The following MYT1L variants were observed in gnomAD, a reference collection of about 807,000 sequenced individuals.
MYT1L encodes the protein myelin transcription factor 1-like protein.
In MYT1L, 12 loss-of-function variants were observed where a neutral mutation model predicts 126.7. The ratio of observed to expected loss-of-function variants is 0.09; its 90% CI spans 0.06 to 0.15. The LOEUF is 0.15. MYT1L is among the 10% of genes least tolerant of loss of function. The pLI, the probability that MYT1L is intolerant of heterozygous loss-of-function variation, is 1.00. For missense variants in MYT1L, 979 were observed against 1,585.2 expected, an observed-to-expected ratio of 0.62 and a Z score of 6.49; for synonymous variants, 541 against 604.2, an observed-to-expected ratio of 0.90 and a Z score of 1.53.
chr2:2,025,822 A>G (rs1465512197), intron 4 of MYT1L, among the ~76,000 whole-genome samples: 11 of 152,260 alleles, frequency 7.2e-5, no homozygotes, highest in Non-Finnish European at 4.4e-5. Flanking sequence ...ACACTGAATG[A>G]ATTTTTTAAA....
chr2:1,838,569 C>CGG (rs1202407850), intron 21 of MYT1L, among the ~76,000 whole-genome samples: 1 of 152,170 alleles, frequency 6.6e-6, no homozygotes, highest in African/African-American at 2.4e-5. Flanking sequence ...GCCTTGGAGA[C>CGG]GGGTCCCATC....
intron 4 of MYT1L, among the ~76,000 whole-genome samples, chr2:2,025,756 C>T (rs1558775911): frequency 6.6e-6 from 1 of 152,242 alleles, no homozygotes; most frequent in Non-Finnish European, 1.5e-5. Flanking sequence ...CATTAGCATA[C>T]TCATTTACAT....
At chr2:1,935,110 AG>A (rs1179756523) in intron 9 of MYT1L, among the ~76,000 whole-genome samples, 1 of 152,240 alleles carries the variant, frequency 6.6e-6, no homozygotes, top group Non-Finnish European at 1.5e-5. Context: ...AGTGAGCCTC[AG>A]TATTCAGAAA....
chr2:2,053,917 T>C (rs991374729), intron 4 of MYT1L, 61 bp downstream of exon 4: 3 of 152,664 alleles, frequency 2.0e-5, no homozygotes, highest in African/African-American at 7.2e-5. Flanking sequence ...TTAAGGTAAA[T>C]ATGCAAAACA....
At chr2:2,073,089 C>A (rs1161631940) in intron 3 of MYT1L, among the ~76,000 whole-genome samples, 1 of 152,248 alleles carries the variant, frequency 6.6e-6, no homozygotes, top group East Asian at 1.9e-4. Context: ...TTCATAAGGG[C>A]TTTACTCTCA....
At chr2:1,920,557 C>T (rs934754828) in intron 10 of MYT1L, among the ~76,000 whole-genome samples, 2 of 152,076 alleles carry the variant, frequency 1.3e-5, no homozygotes, top group Non-Finnish European at 2.9e-5. Flanking sequence ...TACTTCATGC[C>T]CAAACTCCAT....
rs558018905 is a variant in MYT1L, at chr2:2,010,417, G to C, written c.-157-13070C>G. 3.5e-4 allele frequency among the ~76,000 whole-genome samples: 54 copies of C among 152,250 alleles called. 1 individual carries two copies. The South Asian group carries it at 0.011, about 32-fold the overall frequency. On this transcript the variant is annotated intron_variant, in intron 4 of 24. Coordinates refer to ENST00000647738, the MANE Select transcript of MYT1L (RefSeq NM_001303052.2). ...GGCTATGAACAAGCTGTGAAATGCA[G>C]GGACAGTTAGGTGTTGTCTGGGTGT... is the stretch of plus-strand genomic sequence containing the variant.
At chr2:1,990,738 G>A (rs1459002249) in intron 5 of MYT1L, among the ~76,000 whole-genome samples, 2 of 152,188 alleles carry the variant, frequency 1.3e-5, no homozygotes, top group African/African-American at 4.8e-5. Context: ...GCAGTTCTGT[G>A]TGGACTGCCA....
At chr2:1,993,429 A>C (rs746465282) in intron 5 of MYT1L, among the ~76,000 whole-genome samples, 5 of 152,144 alleles carry the variant, frequency 3.3e-5, no homozygotes, top group Non-Finnish European at 5.9e-5. Context: ...ATTGTTTACA[A>C]AATCAGGCTC....
At chr2:1,831,199 T>C (rs1353935781) in intron 21 of MYT1L, among the ~76,000 whole-genome samples, 1 of 150,392 alleles carries the variant, frequency 6.6e-6, no homozygotes, top group East Asian at 2.1e-4. Flanking sequence ...GGAGCTCTGC[T>C]CCGAGGACCC....
At chr2:2,232,122 T>A (rs1296633336) in intron 2 of MYT1L, among the ~76,000 whole-genome samples, 1 of 152,220 alleles carries the variant, frequency 6.6e-6, no homozygotes. Flanking sequence ...TGTAACTTGC[T>A]GATTACTGAA....
intron 3 of MYT1L, among the ~76,000 whole-genome samples, chr2:2,081,889 G>A (rs955510528): frequency 8.6e-5 from 13 of 152,036 alleles, no homozygotes; most frequent in East Asian, 1.9e-4. Context: ...ACAGGTGCGC[G>A]ATGCCATGCT....
intron 4 of MYT1L, among the ~76,000 whole-genome samples, chr2:2,024,046 A>C (rs549580281): frequency 2.0e-5 from 3 of 152,348 alleles, no homozygotes; most frequent in African/African-American, 7.2e-5. Flanking sequence ...GTTGATTTTT[A>C]AAATACTTCT....
At chr2:1,850,129 G>GCCCCT (rs2043036020) in intron 19 of MYT1L, among the ~76,000 whole-genome samples, 1 of 121,352 alleles carries the variant, frequency 8.2e-6, no homozygotes, top group Non-Finnish European at 1.7e-5. Flanking sequence ...CTTCCCTCCT[G>GCCCCT]CCCCTCCCTC....
At chr2:1,797,324 C>T (rs2033779436) in intron 23 of MYT1L, among the ~76,000 whole-genome samples, 1 of 152,182 alleles carries the variant, frequency 6.6e-6, no homozygotes, top group African/African-American at 2.4e-5. Flanking sequence ...CCTGGGTTCA[C>T]GCCATTCTCC....
intron 14 of MYT1L, among the ~76,000 whole-genome samples, chr2:1,901,861 T>C (rs889228833): frequency 2.0e-5 from 3 of 152,228 alleles, no homozygotes; most frequent in African/African-American, 7.2e-5. Context: ...GGTTTTGCCA[T>C]GTTGGCCAGG....
intron 2 of MYT1L, among the ~76,000 whole-genome samples, chr2:2,267,247 G>A (rs73913301): frequency 0.016 from 2,463 of 152,222 alleles, 64 homozygotes; most frequent in African/African-American, 0.057. Flanking sequence ...CAGATGGCAC[G>A]TGGGGCAGAC....
chr2:2,283,334 T>A (rs1285014732), intron 2 of MYT1L, among the ~76,000 whole-genome samples: 1 of 152,156 alleles, frequency 6.6e-6, no homozygotes, highest in East Asian at 1.9e-4. Context: ...ATACACTAAT[T>A]ATGTAAAGAA....
chr2:1,946,933 C>A (rs1167363626), intron 8 of MYT1L, among the ~76,000 whole-genome samples: 3 of 152,172 alleles, frequency 2.0e-5, no homozygotes, highest in African/African-American at 7.2e-5. Context: ...GTTCAGTTAG[C>A]AGATAATAGA....
Sources: gnomAD v4.1 joint callset for allele counts (sites outside exome capture counted in the v4.1 genomes callset) on GRCh38, gnomAD v4.1.1 for gene constraint, MANE v1.5 for transcripts, NCBI Gene and HGNC (gene_info 2026-07-23, HGNC 2026-07-21) for gene names.